RANBP17: variants seen among roughly 807,000 people sequenced by gnomAD.
RANBP17 encodes RAN binding protein 17.
In RANBP17, 158 loss-of-function variants were observed where a neutral mutation model predicts 141.2. That is an observed-to-expected ratio of 1.12 (90% confidence interval 0.98 to 1.28). The LOEUF (loss-of-function observed/expected upper bound fraction) is 1.28. Ranked by LOEUF, RANBP17 falls within the 50% of genes most tolerant of loss-of-function variation. The probability of loss-of-function intolerance (pLI) is 0.00; values close to 1 mark genes in which losing one functional copy is unlikely to be tolerated. For missense variants in RANBP17, 1,438 were observed against 1,290.7 expected (o/e 1.11, Z -1.75); for synonymous variants, 430 against 450.0 (o/e 0.96, Z 0.56).
intron 7 of RANBP17, among the ~76,000 whole-genome samples, chr5:170,912,865 G>A (rs1581129485): frequency 6.6e-6 from 1 of 151,772 alleles, no homozygotes; most frequent in Non-Finnish European, 1.5e-5. Flanking sequence ...ATCCCACCAA[G>A]TTCCCAGCAT....
intron 25 of RANBP17, among the ~76,000 whole-genome samples, chr5:171,284,964 G>C (rs573595735): frequency 2.0e-5 from 3 of 148,444 alleles, no homozygotes; most frequent in Non-Finnish European, 3.0e-5. Context: ...TCTATATTCA[G>C]CATGGCATAA....
chr5:171,149,379 T>G (rs1404782496), intron 14 of RANBP17, among the ~76,000 whole-genome samples: 1 of 152,230 alleles, frequency 6.6e-6, no homozygotes, highest in African/African-American at 2.4e-5. Flanking sequence ...TTTCCTATCT[T>G]GGGTTCTCTC....
At chr5:170,928,054 A>C (rs1379453977) in intron 12 of RANBP17, among the ~76,000 whole-genome samples, 2 of 152,100 alleles carry the variant, frequency 1.3e-5, no homozygotes, top group Admixed American at 6.6e-5. Context: ...TAGGCACTCT[A>C]CTGGGTGTCT....
chr5:171,269,876 C>A (rs1766981201), intron 25 of RANBP17, among the ~76,000 whole-genome samples: 3 of 152,104 alleles, frequency 2.0e-5, no homozygotes, highest in Admixed American at 6.5e-5. Context: ...AAAAACTAGA[C>A]CCTAATGACT....
chr5:171,186,839 A>G (rs981451509), intron 18 of RANBP17, among the ~76,000 whole-genome samples: 1 of 151,818 alleles, frequency 6.6e-6, no homozygotes. Flanking sequence ...AACTTTCTTT[A>G]TATCAGCAAT....
At chr5:170,890,452 AAATT>A (rs1294531786) in intron 3 of RANBP17, among the ~76,000 whole-genome samples, 1 of 152,106 alleles carries the variant, frequency 6.6e-6, no homozygotes, top group African/African-American at 2.4e-5. Context: ...ATATTAATAA[AAATT>A]AAGGTTGAAG....
At chr5:170,929,163 A>C (rs1477598348) in intron 12 of RANBP17, among the ~76,000 whole-genome samples, 1 of 152,074 alleles carries the variant, frequency 6.6e-6, no homozygotes, top group Non-Finnish European at 1.5e-5. Flanking sequence ...TGTCTATGTG[A>C]TCATGTTGTC....
At chr5:171,262,136 T>C (rs936413400) in intron 24 of RANBP17, among the ~76,000 whole-genome samples, 1 of 152,218 alleles carries the variant, frequency 6.6e-6, no homozygotes, top group Non-Finnish European at 1.5e-5. Context: ...CAAATCTATG[T>C]GAAGTCTTTA....
At chr5:171,250,732 G>GA (rs981041311) in intron 24 of RANBP17, among the ~76,000 whole-genome samples, 9 of 152,040 alleles carry the variant, frequency 5.9e-5, no homozygotes, top group African/African-American at 2.2e-4. Context: ...AAGAAAAGGG[G>GA]AAAAAAGACA....
intron 14 of RANBP17, among the ~76,000 whole-genome samples, chr5:171,059,340 T>A (rs1173579380): frequency 5.3e-5 from 8 of 152,146 alleles, no homozygotes; most frequent in Non-Finnish European, 1.0e-4. Context: ...TAATTTTTGT[T>A]TAAGGTATAA....
At chr5:171,064,262 G>T (rs71605793) in intron 14 of RANBP17, among the ~76,000 whole-genome samples, 1 of 152,202 alleles carries the variant, frequency 6.6e-6, no homozygotes, top group East Asian at 1.9e-4. Flanking sequence ...CGTCACTCAC[G>T]CTGGGAGCTG....
chr5:171,267,173 A>G (rs1269424959), intron 25 of RANBP17, among the ~76,000 whole-genome samples: 1 of 150,724 alleles, frequency 6.6e-6, no homozygotes, highest in Non-Finnish European at 1.5e-5. Flanking sequence ...AGCTGGGACT[A>G]CAGGTGCACA....
chr5:171,159,938 A>T (rs942815571), intron 14 of RANBP17, among the ~76,000 whole-genome samples: 1 of 150,800 alleles, frequency 6.6e-6, no homozygotes. Context: ...AAAAAAAAAA[A>T]AAAGAAAAAA....
intron 22 of RANBP17, among the ~76,000 whole-genome samples, chr5:171,236,146 A>T (rs1001172186): frequency 2.6e-5 from 4 of 152,162 alleles, no homozygotes; most frequent in Non-Finnish European, 5.9e-5. Flanking sequence ...GAAGTAAAGG[A>T]ATGTCAGCAA....
chr5:171,062,011 G>A (rs1233493441), intron 14 of RANBP17, among the ~76,000 whole-genome samples: 3 of 151,412 alleles, frequency 2.0e-5, no homozygotes, highest in Non-Finnish European at 2.9e-5. Context: ...CCATTTGCTT[G>A]GTAGATCTTC....
At chr5:171,056,665 G>A (rs1412260471) in intron 14 of RANBP17, among the ~76,000 whole-genome samples, 1 of 151,876 alleles carries the variant, frequency 6.6e-6, no homozygotes, top group Non-Finnish European at 1.5e-5. Context: ...TGGACTTTAG[G>A]GGACCTAATA....
intron 14 of RANBP17, among the ~76,000 whole-genome samples, chr5:171,043,032 A>G (rs1351794538): frequency 6.6e-6 from 1 of 152,160 alleles, no homozygotes; most frequent in Non-Finnish European, 1.5e-5. Flanking sequence ...GTGTGTATTG[A>G]TTGATGACTA....
intron 3 of RANBP17, among the ~76,000 whole-genome samples, chr5:170,882,107 CAG>C (rs1368141933): frequency 1.3e-5 from 2 of 152,014 alleles, no homozygotes; most frequent in Admixed American, 6.6e-5. Context: ...TTTTTTGAGA[CAG>C]AGTCTTGCTC....
intron 14 of RANBP17, among the ~76,000 whole-genome samples, chr5:170,976,196 C>T (rs1343111912): frequency 1.3e-5 from 2 of 152,068 alleles, no homozygotes; most frequent in Non-Finnish European, 2.9e-5. Flanking sequence ...TTTCTGTGCA[C>T]TTGCAATAAA....
Sources: allele counts gnomAD v4.1 joint callset (sites outside exome capture counted in the v4.1 genomes callset), GRCh38; gene constraint gnomAD v4.1.1; transcripts MANE v1.5; gene names NCBI Gene and HGNC (gene_info 2026-07-23, HGNC 2026-07-21).